CYP51A1: variants seen among roughly 807,000 people sequenced by gnomAD.
CYP51A1 encodes lanosterol 14-alpha demethylase.
CYP51A1 carries 45 observed loss-of-function variants against 53.5 expected under a neutral mutation model. The observed-to-expected ratio is 0.84, with a 90% CI of 0.66 to 1.08. The LOEUF is 1.08. Ranked by LOEUF, CYP51A1 falls within the 50% of genes least tolerant of loss-of-function variation. The pLI is 0.00. For synonymous variants in CYP51A1, 181 were observed against 217.7 expected (o/e 0.83, Z 1.48); for missense variants, 462 against 621.7 (o/e 0.74, Z 2.73).
upstream of CYP51A1, chr7:92,134,725 C>CGG: frequency 4.3e-6 from 1 of 231,074 alleles, no homozygotes; most frequent in Non-Finnish European, 8.5e-6. Flanking sequence ...TGCCCGGGTG[C>CGG]GGGGTGCCGG....
intron 2 of CYP51A1, 150 bp downstream of exon 2, chr7:92,131,623 TA>T: frequency 1.9e-6 from 1 of 530,786 alleles, no homozygotes; most frequent in Non-Finnish European, 3.4e-6. Flanking sequence ...CACCATCTCT[TA>T]AACCAGAGCA....
At chr7:92,113,985 A>T (rs1441710274) in intron 9 of CYP51A1, 142 bp from the exon 10 acceptor site, 3 of 569,546 alleles carry the variant, frequency 5.3e-6, no homozygotes, top group Non-Finnish European at 8.9e-6. Context: ...CACATAAAAC[A>T]ACATGAATTA....
chr7:92,113,288 A>G lies in CYP51A1; in HGVS notation c.*377T>C, dbSNP rs6465348. 64,198 of 164,426 alleles carry G rather than the reference A, an allele frequency of 0.39. 12,924 individuals are homozygous for G. Among genetic ancestry groups the G allele is most frequent in the African/African-American group, 0.45 (18,715 of 41,552 alleles). The allele number at this position is 164,426 out of a possible 1,614,324, so 10.2% of individuals were successfully genotyped here. On this transcript the variant is annotated 3_prime_UTR_variant, in exon 10 of 10. Coordinates refer to ENST00000003100, the MANE Select transcript of CYP51A1 (RefSeq NM_000786.4). ...TATCTCACTGGGATTTTTATTCTTT[A>G]TACCTTGCAGGACTAGTCCAAGATT...
In CYP51A1 at chr7:92,134,286, CCTT is replaced by C. The variant is rs1251416450; in HGVS notation, c.76_78del (p.Lys26del). The C allele has an allele frequency of 1.9e-6, 3 of 1,611,740 alleles. No homozygotes were observed. The highest frequency in any genetic ancestry group is 2.5e-6 in the Non-Finnish European group (3 of 1,179,002). ...ATGGACAAGAGGTTGCCGCCTGTCA[CCTT>C]CTCCATCGCCTGGCCCAGCACCGAC... On this transcript the variant is annotated inframe_deletion, in exon 1 of 10. Transcript: ENST00000003100.
intron 7 of CYP51A1, among the ~76,000 whole-genome samples, chr7:92,118,908 G>A (rs1819631401): frequency 6.6e-6 from 1 of 152,138 alleles, no homozygotes; most frequent in African/African-American, 2.4e-5. Context: ...TCAAAATTCT[G>A]GAAGATTAAC....
chr7:92,113,651 C>T lies in CYP51A1; in HGVS notation c.*14G>A, dbSNP rs1819514042. ...ACAGTGATAATCACATATATTCGTT[C>T]CTTGCAACCTTTTTCATTTTGATCT... On this transcript the variant is annotated 3_prime_UTR_variant, in exon 10 of 10. Coordinates refer to ENST00000003100, the MANE Select transcript of CYP51A1 (RefSeq NM_000786.4). 1 of 1,610,054 alleles carries T rather than the reference C, an allele frequency of 6.2e-7. No homozygotes were observed. Among genetic ancestry groups the T allele is most frequent in the Non-Finnish European group, 8.5e-7 (1 of 1,178,850 alleles).
chr7:92,117,966 C>T (rs1308388745), intron 8 of CYP51A1, among the ~76,000 whole-genome samples: 1 of 132,974 alleles, frequency 7.5e-6, no homozygotes, highest in Non-Finnish European at 1.6e-5. Flanking sequence ...CCAGCCTGGG[C>T]AACAAGAGTG....
chr7:92,119,158 C>T (rs1214187632), intron 7 of CYP51A1, among the ~76,000 whole-genome samples: 1 of 152,154 alleles, frequency 6.6e-6, no homozygotes, highest in Non-Finnish European at 1.5e-5. Flanking sequence ...AATTGTTTAA[C>T]ACTGAAGGCG....
chr7:92,134,348 C>T lies in CYP51A1; in HGVS notation c.17G>A (p.Gly6Glu). MAAAA[G>E]MLLLGLLQAG... ...CTGCAGCAAGCCCAGCAGCAGCATC[C>T]CAGCCGCCGCCGCCATTCACTCCGT... is the stretch of plus-strand genomic sequence containing the variant. The change falls in exon 1 of 10, where the codon GGG becomes GAG. Residue 6 changes from glycine to glutamate, a missense_variant. Coordinates refer to ENST00000003100, the MANE Select transcript of CYP51A1 (RefSeq NM_000786.4). 1 of 1,582,320 alleles carries T rather than the reference C, an allele frequency of 6.3e-7. No homozygotes were observed. Among genetic ancestry groups the T allele is most frequent in the Non-Finnish European group, 8.6e-7 (1 of 1,161,126 alleles).
chr7:92,116,996 ATATGT>A, intron 9 of CYP51A1, 43 bp downstream of exon 9: 2 of 1,518,920 alleles, frequency 1.3e-6, no homozygotes, highest in Non-Finnish European at 1.8e-6. Context: ...ACAGAGACAA[ATATGT>A]TATCAGAACA....
Position 92,132,456 on chromosome 7 carries a change from T to C in CYP51A1, c.193-584A>G, listed in dbSNP as rs577571459. Among the ~76,000 whole-genome samples, 5 of 152,314 alleles carry C rather than the reference T, an allele frequency of 3.3e-5. No homozygotes were observed. In the South Asian group the frequency reaches 1.0e-3, roughly 32 times the overall value. ...GTGTTTTTTTATTTGTATTATTTTT[T>C]ATTGTTGTGTTATTTTGTATTGGGT... On this transcript the variant is annotated intron_variant, in intron 1 of 9. Transcript: ENST00000003100.
intron 5 of CYP51A1, among the ~76,000 whole-genome samples, 156 bp from the exon 6 acceptor site, chr7:92,124,009 C>T (rs953881423): frequency 1.3e-5 from 2 of 152,128 alleles, no homozygotes; most frequent in Admixed American, 1.3e-4. Flanking sequence ...CAGGAACATA[C>T]TGGAAGTCAT....
chr7:92,112,770 A>C lies in CYP51A1; in HGVS notation c.*895T>G, dbSNP rs1383672469. On this transcript the variant is annotated 3_prime_UTR_variant, in exon 10 of 10. Coordinates refer to ENST00000003100, the MANE Select transcript of CYP51A1 (RefSeq NM_000786.4). Reference sequence around the variant, plus strand: ...CTTGAACCCGGGAGGCAGAGGATGCAGTGAGCTGAGATCGCACCACTGCAC... The same window carrying C: ...CTTGAACCCGGGAGGCAGAGGATGCCGTGAGCTGAGATCGCACCACTGCAC... 6.6e-6 allele frequency: 1 copy of C among 150,492 alleles called. No individual in the cohort carries two copies. Among genetic ancestry groups the C allele is most frequent in the East Asian group, 2.0e-4 (1 of 5,032 alleles). 9.3% of individuals were successfully genotyped at this position (150,492 alleles called of 1,614,324 possible).
At chr7:92,118,096 T>C (rs1017658263) in intron 8 of CYP51A1, among the ~76,000 whole-genome samples, 8 of 152,178 alleles carry the variant, frequency 5.3e-5, no homozygotes, top group Admixed American at 3.9e-4. Flanking sequence ...TTCTACTTTT[T>C]TAATTTAAAA....
upstream of CYP51A1, chr7:92,134,595 C>A (rs1584641595): frequency 3.8e-6 from 2 of 523,398 alleles, no homozygotes; most frequent in South Asian, 5.5e-5. Context: ...GGTCTTCTTG[C>A]GCGGGATAGG....
intron 7 of CYP51A1, 94 bp from the exon 8 acceptor site, chr7:92,118,709 G>A: frequency 1.4e-6 from 1 of 725,214 alleles, no homozygotes; most frequent in East Asian, 2.6e-5. Context: ...AAGACAGCTT[G>A]CATTCCAGCT....
In CYP51A1 at chr7:92,113,595, A is replaced by C; in HGVS notation, c.*70T>G. On this transcript the variant is annotated 3_prime_UTR_variant, in exon 10 of 10. Transcript: ENST00000003100. ...GTAAACTACAAGAGTTGTTTTGTAC[A>C]CTTCATTCTCTTCGAATGCCTTTGT... The C allele has an allele frequency of 6.4e-6, 9 of 1,411,880 alleles. No homozygotes were observed. The highest frequency in any genetic ancestry group is 8.8e-6 in the Non-Finnish European group (9 of 1,016,972). The allele number at this position is 1,411,880 out of a possible 1,614,324, so 87.5% of individuals were successfully genotyped here.
rs1819596254 is a variant in CYP51A1, at chr7:92,117,194, T to C, written c.1201A>G (p.Ile401Val). ...RTPQTVAGYT[I>V]PPGHQVCVSP... Reference sequence around the variant, plus strand: ...ACACACACCTGATGTCCTGGAGGAATGGTATACCCTGCCACAGTCTATAAA... The same window carrying C: ...ACACACACCTGATGTCCTGGAGGAACGGTATACCCTGCCACAGTCTATAAA... Residue 401 changes from isoleucine (I) to valine (V), a missense_variant, in exon 9 of 10, where the codon ATT (isoleucine) becomes GTT (valine). Ile to Val is a conservative substitution (Grantham distance 29). Coordinates refer to ENST00000003100, the MANE Select transcript of CYP51A1 (RefSeq NM_000786.4). 2.5e-6 allele frequency: 4 copies of C among 1,612,788 alleles called. No homozygotes were observed. Among genetic ancestry groups the C allele is most frequent in the Non-Finnish European group, 3.4e-6 (4 of 1,179,624 alleles).
intron 9 of CYP51A1, among the ~76,000 whole-genome samples, 187 bp downstream of exon 9, chr7:92,116,857 A>C (rs1381958341): frequency 1.3e-5 from 2 of 152,240 alleles, no homozygotes; most frequent in Non-Finnish European, 2.9e-5. Flanking sequence ...GATTTATGGA[A>C]CAATTCCATT....
Sources: gnomAD v4.1 joint callset for allele counts (sites outside exome capture counted in the v4.1 genomes callset) on GRCh38, gnomAD v4.1.1 for gene constraint, MANE v1.5 for transcripts, NCBI Gene and HGNC (gene_info 2026-07-23, HGNC 2026-07-21) for gene names.